Variants in NAALADL2 observed in about 807,000 individuals in gnomAD.
NAALADL2 encodes the protein N-acetylated alpha-linked acidic dipeptidase like 2, also known as inactive N-acetylated-alpha-linked acidic dipeptidase-like protein 2.
Under a neutral mutation model 87.2 loss-of-function variants are expected in NAALADL2, and 76 were observed. The ratio of observed to expected loss-of-function variants is 0.87; its 90% CI spans 0.72 to 1.05. The LOEUF (loss-of-function observed/expected upper bound fraction) is 1.05. Ranked by LOEUF, NAALADL2 falls within the 50% of genes least tolerant of loss-of-function variation. The pLI is 0.00. For missense variants in NAALADL2, 1,089 were observed against 945.8 expected, an observed-to-expected ratio of 1.15 and a Z score of -1.99; for synonymous variants, 354 against 331.0, an observed-to-expected ratio of 1.07 and a Z score of -0.75.
intron 3 of NAALADL2, among the ~76,000 whole-genome samples, chr3:174,836,592 C>T (rs1723354237): frequency 6.6e-6 from 1 of 151,482 alleles, no homozygotes; most frequent in African/African-American, 2.4e-5. Flanking sequence ...GCCTGTGGTC[C>T]CAGCTACTCG....
chr3:175,772,011 G>T (rs993462136), intron 13 of NAALADL2, among the ~76,000 whole-genome samples: 1 of 152,070 alleles, frequency 6.6e-6, no homozygotes, highest in African/African-American at 2.4e-5. Context: ...ACCCTCTACT[G>T]GGTCCCTCCC....
At chr3:175,332,242 C>T (rs1447208824) in intron 5 of NAALADL2, among the ~76,000 whole-genome samples, 1 of 152,032 alleles carries the variant, frequency 6.6e-6, no homozygotes, top group African/African-American at 2.4e-5. Flanking sequence ...TGAAGGGAAC[C>T]ATAAAAGAGC....
At chr3:175,144,174 A>G (rs775722112) in intron 2 of NAALADL2, among the ~76,000 whole-genome samples, 33 of 152,010 alleles carry the variant, frequency 2.2e-4, no homozygotes, top group Non-Finnish European at 4.0e-4. Flanking sequence ...AATGATGTAA[A>G]TCAAGAATCA....
intron 3 of NAALADL2, among the ~76,000 whole-genome samples, chr3:174,796,858 T>C (rs947848833): frequency 6.6e-6 from 1 of 151,878 alleles, no homozygotes; most frequent in African/African-American, 2.4e-5. Flanking sequence ...TGTTTTTGAG[T>C]TGTTTGTATT....
intron 5 of NAALADL2, among the ~76,000 whole-genome samples, chr3:175,404,083 G>T (rs1183675552): frequency 6.6e-6 from 1 of 151,870 alleles, no homozygotes; most frequent in African/African-American, 2.4e-5. Flanking sequence ...AAAACATCTT[G>T]GTTTAGTTTC....
intron 1 of NAALADL2, among the ~76,000 whole-genome samples, chr3:174,950,269 T>A (rs1257652549): frequency 6.6e-6 from 1 of 151,860 alleles, no homozygotes; most frequent in Non-Finnish European, 1.5e-5. Context: ...GAGTAGGGAG[T>A]AGATTTTGGG....
intron 2 of NAALADL2, among the ~76,000 whole-genome samples, chr3:175,148,927 T>A (rs1046624235): frequency 6.6e-6 from 1 of 152,218 alleles, no homozygotes; most frequent in Non-Finnish European, 1.5e-5. Context: ...GCTTTGACTA[T>A]TCAGGCTCTT....
At chr3:174,628,738 G>C (rs1316043629) in intron 2 of NAALADL2, among the ~76,000 whole-genome samples, 1 of 151,918 alleles carries the variant, frequency 6.6e-6, no homozygotes, top group African/African-American at 2.4e-5. Flanking sequence ...CTTTTTTTGT[G>C]CATTATATAC....
chr3:175,590,708 A>G (rs1721312011), intron 10 of NAALADL2, among the ~76,000 whole-genome samples: 1 of 152,136 alleles, frequency 6.6e-6, no homozygotes, highest in South Asian at 2.1e-4. Context: ...GTCCCACTAT[A>G]TTGATTCAAT....
intron 2 of NAALADL2, among the ~76,000 whole-genome samples, chr3:174,638,995 G>A (rs1722918481): frequency 6.6e-6 from 1 of 152,058 alleles, no homozygotes; most frequent in African/African-American, 2.4e-5. Context: ...AGAACTCTTT[G>A]CCCTTTCTTT....
rs1414663628 is a variant in NAALADL2, at chr3:175,331,637, A to C, written c.1090+7312A>C. Among the ~76,000 whole-genome samples the C allele has an allele frequency of 2.0e-5, 3 of 152,234 alleles. No individual in the cohort carries two copies. In the East Asian group the frequency reaches 5.8e-4, roughly 29 times the overall value. ...ATGTAATAAAGGCTATATATGAAAA[A>C]CCCATACTTAATACCATACTAAATG... On this transcript the variant is annotated intron_variant, in intron 5 of 13. Transcript: ENST00000454872.
At chr3:175,278,522 G>A (rs1480082924) in intron 4 of NAALADL2, among the ~76,000 whole-genome samples, 1 of 152,164 alleles carries the variant, frequency 6.6e-6, no homozygotes, top group East Asian at 1.9e-4. Flanking sequence ...TTTAAAATTA[G>A]AAATTTTTCC....
chr3:175,667,984 T>C (rs1733439523), intron 11 of NAALADL2, among the ~76,000 whole-genome samples: 1 of 152,146 alleles, frequency 6.6e-6, no homozygotes, highest in Non-Finnish European at 1.5e-5. Context: ...CAGCCTGCAA[T>C]GTGGAAAGTG....
chr3:175,271,516 G>T (rs1354786700), intron 4 of NAALADL2, among the ~76,000 whole-genome samples: 1 of 152,188 alleles, frequency 6.6e-6, no homozygotes, highest in Non-Finnish European at 1.5e-5. Context: ...ACTTAGGCCG[G>T]TGTGGTGGCT....
At chr3:175,278,779 G>T (rs760707246) in intron 4 of NAALADL2, among the ~76,000 whole-genome samples, 1 of 152,076 alleles carries the variant, frequency 6.6e-6, no homozygotes, top group African/African-American at 2.4e-5. Context: ...TATTGCAAAC[G>T]CACTGTTTAA....
intron 2 of NAALADL2, among the ~76,000 whole-genome samples, chr3:174,638,632 T>C (rs1722882870): frequency 6.6e-6 from 1 of 152,082 alleles, no homozygotes; most frequent in Non-Finnish European, 1.5e-5. Flanking sequence ...ACACTATGAA[T>C]ATAATCAATT....
chr3:175,052,199 G>T (rs528384955), intron 1 of NAALADL2, among the ~76,000 whole-genome samples: 1 of 152,346 alleles, frequency 6.6e-6, no homozygotes, highest in Admixed American at 6.5e-5. Context: ...TCATGCTATT[G>T]TTTGTGGTTT....
At chr3:174,819,081 TTTTTTG>T (rs1232822179) in intron 3 of NAALADL2, among the ~76,000 whole-genome samples, 15 of 132,088 alleles carry the variant, frequency 1.1e-4, no homozygotes, top group Non-Finnish European at 2.3e-4. Context: ...TTTTTTTTTT[TTTTTTG>T]GAGACAGGAT....
intron 12 of NAALADL2, among the ~76,000 whole-genome samples, chr3:175,753,504 A>G (rs1746869597): frequency 1.3e-5 from 2 of 152,154 alleles, no homozygotes; most frequent in South Asian, 2.1e-4. Flanking sequence ...GTCTCCATCA[A>G]ATGAAGGTGA....
Sources: allele counts gnomAD v4.1 joint callset (sites outside exome capture counted in the v4.1 genomes callset), GRCh38; gene constraint gnomAD v4.1.1; transcripts MANE v1.5; gene names NCBI Gene and HGNC (gene_info 2026-07-23, HGNC 2026-07-21).